The following SPACA7 variants were observed in gnomAD, a reference collection of about 807,000 sequenced individuals.
The protein encoded by SPACA7 is sperm acrosome-associated protein 7.
In SPACA7, 19 loss-of-function variants were observed where a neutral mutation model predicts 26.3. The ratio of observed to expected loss-of-function variants is 0.72; its 90% CI spans 0.50 to 1.06. The LOEUF (loss-of-function observed/expected upper bound fraction) is 1.06. Among genes scored for constraint, SPACA7 ranks in the 50% least tolerant of loss-of-function variants. SPACA7 has a pLI of 0.00. For synonymous variants in SPACA7, 84 were observed against 84.5 expected, an observed-to-expected ratio of 0.99 and a Z score of 0.04; for missense variants, 211 against 229.9, an observed-to-expected ratio of 0.92 and a Z score of 0.53.
At chr13:112,396,327 G>C (rs889169568) in intron 2 of SPACA7, among the ~76,000 whole-genome samples, 1 of 152,132 alleles carries the variant, frequency 6.6e-6, no homozygotes, top group African/African-American at 2.4e-5. Context: ...AGTTCAGACA[G>C]TGCCCCAGGA....
At chr13:112,392,324 A>G (rs1024020827) in intron 1 of SPACA7, among the ~76,000 whole-genome samples, 11 of 152,202 alleles carry the variant, frequency 7.2e-5, no homozygotes, top group Admixed American at 6.5e-4. Context: ...AGCCGAGGCC[A>G]CAGGTCAGGA....
intron 6 of SPACA7, 41 bp downstream of exon 6, chr13:112,432,562 A>T (rs754909756): frequency 1.4e-6 from 2 of 1,445,604 alleles, no homozygotes; most frequent in East Asian, 2.3e-5. Flanking sequence ...TCATTTGGGG[A>T]TTCTTTTCCT....
In SPACA7 at chr13:112,409,107, A is replaced by C. The variant is rs559959018; in HGVS notation, c.445+7943A>C. On this transcript the variant is annotated intron_variant, in intron 5 of 6. Coordinates refer to ENST00000283550, the MANE Select transcript of SPACA7 (RefSeq NM_145248.5). ...TTTGACAAACCTGACAAAAACAAGG[A>C]ATGGGGAAAGGATTCCCTATTTAAT... Among the ~76,000 whole-genome samples the C allele has an allele frequency of 1.6e-3, 249 of 152,348 alleles. 1 individual carries two copies. The highest frequency in any genetic ancestry group is 5.8e-3 in the African/African-American group (243 of 41,586).
chr13:112,424,425 G>C (rs1052285312), intron 5 of SPACA7, among the ~76,000 whole-genome samples: 4 of 152,192 alleles, frequency 2.6e-5, no homozygotes, highest in African/African-American at 9.6e-5. Flanking sequence ...CCGGGCCAGG[G>C]AGGATCTGGA....
At chr13:112,410,328 C>T (rs1374776570) in intron 5 of SPACA7, among the ~76,000 whole-genome samples, 1 of 151,876 alleles carries the variant, frequency 6.6e-6, no homozygotes, top group African/African-American at 2.4e-5. Flanking sequence ...AACAAACCTG[C>T]ATATTGTGCA....
chr13:112,426,232 T>C (rs1240720887), intron 5 of SPACA7, among the ~76,000 whole-genome samples: 2 of 152,234 alleles, frequency 1.3e-5, no homozygotes, highest in Non-Finnish European at 2.9e-5. Context: ...GTTCATCATA[T>C]ATGTGCAAGT....
chr13:112,424,925 C>T (rs1336595371), intron 5 of SPACA7, among the ~76,000 whole-genome samples: 4 of 152,146 alleles, frequency 2.6e-5, no homozygotes, highest in African/African-American at 9.7e-5. Context: ...CCATGCCGAC[C>T]CTAGCACCTT....
In SPACA7 at chr13:112,434,643, C is replaced by T. The variant is rs938915040; in HGVS notation, c.*94C>T. The T allele has an allele frequency of 4.8e-5, 48 of 998,742 alleles. No homozygotes were observed. Among genetic ancestry groups the T allele is most frequent in the Non-Finnish European group, 5.2e-5 (34 of 650,092 alleles). 61.9% of individuals were successfully genotyped at this position (998,742 alleles called of 1,614,324 possible). A position where few individuals can be genotyped will look rare whatever the true frequency, so the allele number is the denominator to read the frequency against. On this transcript the variant is annotated 3_prime_UTR_variant, in exon 7 of 7. Coordinates refer to ENST00000283550, the MANE Select transcript of SPACA7 (RefSeq NM_145248.5). ...CAGGGCACTTGTGTGCACACGCCCACGTTCTCTGAACCATTCCACATAAAG... is the reference window on the plus strand; with the variant it reads ...CAGGGCACTTGTGTGCACACGCCCATGTTCTCTGAACCATTCCACATAAAG...
In SPACA7 at chr13:112,432,448, G is replaced by T. The variant is rs374897283; in HGVS notation, c.450G>T (p.Lys150Asn). 2.5e-6 allele frequency: 4 copies of T among 1,605,916 alleles called. No individual in the cohort carries two copies. The highest frequency in any genetic ancestry group is 1.6e-4 in the Middle Eastern group (1 of 6,068). ...GSEKSVSSKE[K>N]NSKNTQYENL... The stretch of plus-strand genomic sequence containing the variant: ...TACTTATTGTTTTCCCCACAGAAAA[G>T]AATTCAAAGAACACTCAGTATGAAA... The change falls in exon 6 of 7, where the codon AAG becomes AAT. Residue 150 changes from lysine (K) to asparagine (N), a missense_variant. Physicochemically the swap from Lys to Asn is moderately conservative, Grantham distance 94. Transcript: ENST00000283550.
intron 1 of SPACA7, among the ~76,000 whole-genome samples, chr13:112,385,730 A>G (rs1187511299): frequency 6.6e-6 from 1 of 152,178 alleles, no homozygotes; most frequent in Non-Finnish European, 1.5e-5. Flanking sequence ...TTTATTTCTA[A>G]AAGATTACTG....
At chr13:112,428,612 G>A (rs1056053800) in intron 5 of SPACA7, among the ~76,000 whole-genome samples, 3 of 152,066 alleles carry the variant, frequency 2.0e-5, no homozygotes, top group African/African-American at 7.2e-5. Flanking sequence ...ACAAAAAAAA[G>A]AAGTGTGCTA....
intron 1 of SPACA7, among the ~76,000 whole-genome samples, chr13:112,383,147 AAGAAAGAAAGAAAGAAAG>A: frequency 8.2e-6 from 1 of 121,662 alleles, no homozygotes; most frequent in Non-Finnish European, 1.7e-5. Flanking sequence ...GAAAGAAAGA[AAGAAAGAAAGAAAGAAAG>A]AAAGAAAGAA....
Position 112,432,529 on chromosome 13 carries a change from G to A in SPACA7, c.523+8G>A. On this transcript the variant is annotated splice_region_variant and intron_variant, in intron 6 of 6. Transcript: ENST00000283550. ...ATATTGGAAGATCTTCAGGTAGATT[G>A]GAAATAATAGATAAGTGTCTTCTCA... 1 of 1,569,958 alleles carries A rather than the reference G, an allele frequency of 6.4e-7. No homozygotes were observed. The highest frequency in any genetic ancestry group is 8.8e-7 in the Non-Finnish European group (1 of 1,139,750).
At chr13:112,405,176 G>C (rs1315937342) in intron 5 of SPACA7, among the ~76,000 whole-genome samples, 1 of 151,384 alleles carries the variant, frequency 6.6e-6, no homozygotes, top group African/African-American at 2.4e-5. Flanking sequence ...TAGAGACGGG[G>C]TTTCACCGTG....
At chr13:112,388,676 A>G (rs1055499672) in intron 1 of SPACA7, among the ~76,000 whole-genome samples, 1 of 152,240 alleles carries the variant, frequency 6.6e-6, no homozygotes, top group Non-Finnish European at 1.5e-5. Context: ...GGCAGAGCCA[A>G]TTCGTCACAA....
At chr13:112,383,198 G>A (rs1274590998) in intron 1 of SPACA7, among the ~76,000 whole-genome samples, 3 of 136,532 alleles carry the variant, frequency 2.2e-5, no homozygotes, top group African/African-American at 5.9e-5. Context: ...AGAAAGAAAA[G>A]AAAGAAAGAA....
At chr13:112,424,877 C>A (rs977125171) in intron 5 of SPACA7, among the ~76,000 whole-genome samples, 2 of 152,176 alleles carry the variant, frequency 1.3e-5, no homozygotes, top group African/African-American at 4.8e-5. Context: ...CATATCCCCC[C>A]ATGGGAACAA....
intron 2 of SPACA7, among the ~76,000 whole-genome samples, chr13:112,397,580 A>G (rs1016301533): frequency 1.3e-5 from 2 of 152,254 alleles, no homozygotes; most frequent in Non-Finnish European, 2.9e-5. Context: ...TCTGTCAGAC[A>G]CAAAGCTCAA....
intron 2 of SPACA7, among the ~76,000 whole-genome samples, chr13:112,396,341 C>G (rs1333014235): frequency 6.6e-6 from 1 of 152,136 alleles, no homozygotes; most frequent in Non-Finnish European, 1.5e-5. Flanking sequence ...CCCAGGAGGG[C>G]TCACTTCTTA....
Sources: allele counts gnomAD v4.1 joint callset (sites outside exome capture counted in the v4.1 genomes callset), GRCh38; gene constraint gnomAD v4.1.1; transcripts MANE v1.5; gene names NCBI Gene and HGNC (gene_info 2026-07-23, HGNC 2026-07-21).